SLC28A2: variants seen among roughly 807,000 people sequenced by gnomAD.
SLC28A2 encodes the protein solute carrier family 28 member 2, also known as sodium/nucleoside cotransporter 2.
SLC28A2 carries 69 observed loss-of-function variants against 72.9 expected under a neutral mutation model. That is an observed-to-expected ratio of 0.95 (90% CI 0.78 to 1.16). SLC28A2 has a LOEUF of 1.16. SLC28A2 is among the 50% of genes most tolerant of loss of function. The probability of loss-of-function intolerance (pLI) is 0.00; values close to 1 mark genes in which losing one functional copy is unlikely to be tolerated. For synonymous variants in SLC28A2, 296 were observed against 294.1 expected (o/e 1.01, Z -0.07); for missense variants, 745 against 791.1 (o/e 0.94, Z 0.70).
intron 3 of SLC28A2, among the ~76,000 whole-genome samples, chr15:45,254,282 C>G (rs559742433): frequency 2.8e-4 from 43 of 152,242 alleles, no homozygotes; most frequent in Non-Finnish European, 5.0e-4. Flanking sequence ...TCATGAGCTA[C>G]ATAATGATGT....
intron 13 of SLC28A2, among the ~76,000 whole-genome samples, chr15:45,268,694 G>T (rs1278468214): frequency 6.6e-6 from 1 of 152,046 alleles, no homozygotes; most frequent in Non-Finnish European, 1.5e-5. Context: ...TATAAATCAT[G>T]CTGCTATAAA....
Position 45,263,217 on chromosome 15 carries a change from A to T in SLC28A2, c.419A>T (p.Asn140Ile). 1.2e-6 allele frequency: 2 copies of T among 1,612,948 alleles called. No individual in the cohort carries two copies. Among genetic ancestry groups the T allele is most frequent in the Non-Finnish European group, 1.7e-6 (2 of 1,179,662 alleles). The change falls in exon 5 of 18, where the codon AAC becomes ATC. Residue 140 changes from asparagine to isoleucine, a missense_variant. Transcript: ENST00000347644. ...KLTRCLKPFE[N>I]SRLRLWTKWV... ...ACAAGATGTCTGAAGCCCTTTGAAA[A>T]CTCCCGCCTGAGGCTTTGGACGAAA...
chr15:45,256,122 T>C (rs1054498038), intron 3 of SLC28A2: 1 of 152,230 alleles, frequency 6.6e-6, no homozygotes, highest in Non-Finnish European at 1.5e-5. Flanking sequence ...TCAAGTCTTA[T>C]CGACCTTATA....
chr15:45,265,960 T>A, intron 9 of SLC28A2, 121 bp from the exon 10 acceptor site: 1 of 763,716 alleles, frequency 1.3e-6, no homozygotes, highest in South Asian at 1.7e-5. Flanking sequence ...GCCCTAGGCT[T>A]GCTGCTCTAC....
chr15:45,253,071 G>T, intron 1 of SLC28A2, 129 bp from the exon 2 acceptor site: 1 of 565,840 alleles, frequency 1.8e-6, no homozygotes, highest in Non-Finnish European at 3.2e-6. Flanking sequence ...AGTTCTTAAA[G>T]AAATCAACTA....
chr15:45,257,511 CATGTTA>C (rs1290698445), intron 3 of SLC28A2, among the ~76,000 whole-genome samples: 1 of 152,164 alleles, frequency 6.6e-6, no homozygotes, highest in East Asian at 1.9e-4. Flanking sequence ...TCAATAAATA[CATGTTA>C]ATAAGTTATG....
rs1341957432 is a variant in SLC28A2 at position 45,263,884 on chromosome 15, G to A, written c.450G>A (p.Val150=). 1 of 1,605,474 alleles carries A rather than the reference G, an allele frequency of 6.2e-7. No homozygotes were observed. The change falls in exon 6 of 18, where the codon GTG becomes GTA. Residue 150 remains valine (V), a synonymous_variant. Transcript: ENST00000347644. ...GGTCTTGGCATTCCTTCTTCAGGGT[G>A]TTTGCAGGAGTCTCCTTGGTTGGCC... ...NSRLRLWTKW[V]FAGVSLVGLI... is the part of the protein sequence containing the mutation.
chr15:45,253,156 A>G (rs1275682903), intron 1 of SLC28A2, 44 bp from the exon 2 acceptor site: 4 of 1,349,258 alleles, frequency 3.0e-6, no homozygotes, highest in Non-Finnish European at 4.2e-6. Flanking sequence ...CCCACAGAAC[A>G]GAATGACCAA....
rs1468632911 is a variant in SLC28A2, at chr15:45,277,154, C to T, written c.*1641C>T. ...CAACGAAGAATTACCTGGTCCCAAA[C>T]GTCAATTGTGCTGAGACTCAGAAAC... On this transcript the variant is annotated 3_prime_UTR_variant, in exon 18 of 18. Coordinates refer to ENST00000347644, the MANE Select transcript of SLC28A2 (RefSeq NM_004212.4). 2 of 151,626 alleles carry T rather than the reference C, an allele frequency of 1.3e-5. No individual in the cohort carries two copies. The highest frequency in any genetic ancestry group is 1.9e-4 in the East Asian group (1 of 5,186). 9.4% of individuals were successfully genotyped at this position (151,626 alleles called of 1,614,324 possible). A position where few individuals can be genotyped will look rare whatever the true frequency, so the allele number is the denominator to read the frequency against.
chr15:45,261,455 A>G (rs1472240533), intron 3 of SLC28A2, among the ~76,000 whole-genome samples: 1 of 152,264 alleles, frequency 6.6e-6, no homozygotes. Flanking sequence ...GAAAGAGCTC[A>G]GCATAGAGAA....
chr15:45,259,131 T>A (rs1188207447), intron 3 of SLC28A2, among the ~76,000 whole-genome samples: 1 of 152,178 alleles, frequency 6.6e-6, no homozygotes, highest in Non-Finnish European at 1.5e-5. Context: ...ATTGGCAGTG[T>A]TTTTCTTTCT....
chr15:45,264,338 AAATC>A (rs1466481879), intron 6 of SLC28A2, among the ~76,000 whole-genome samples: 5 of 152,252 alleles, frequency 3.3e-5, no homozygotes, highest in Non-Finnish European at 7.3e-5. Context: ...ATACAGTAGA[AAATC>A]AACACGCAGT....
At position 45,253,999 on chromosome 15, in the gene SLC28A2, G is replaced by C. The variant is rs144486343; in HGVS notation, c.170+479G>C. ...AAAGACAGTAAAAAAGATCTTAGAA[G>C]TCAAAAGAGAAGAGTCTCAAGAATG... On this transcript the variant is annotated intron_variant, in intron 3 of 17. Transcript: ENST00000347644. 5.5e-3 allele frequency: 853 copies of C among 153,768 alleles called. 2 individuals are homozygous for C. Among genetic ancestry groups the C allele is most frequent in the Non-Finnish European group, 0.01 (692 of 69,172 alleles). 9.5% of individuals were successfully genotyped at this position (153,768 alleles called of 1,614,324 possible).
rs1900378789 is a variant in SLC28A2 at position 45,267,545 on chromosome 15, TCTGGCACTGTG to T, written c.1038_1048del (p.Thr347SerfsTer8). On this transcript the variant is annotated frameshift_variant, in exon 11 of 18. Transcript: ENST00000347644. LOFTEE classifies it high-confidence loss of function. Reference sequence around the variant, plus strand: ...GATGACTGGAGGGTTTGCCACCATTTCTGGCACTGTGCTGGGAGCCTTCATAGCCTTTGGGG... The same window carrying T: ...GATGACTGGAGGGTTTGCCACCATTTCTGGGAGCCTTCATAGCCTTTGGGG... The T allele has an allele frequency of 1.2e-6, 2 of 1,614,036 alleles. No homozygotes were observed. The highest frequency in any genetic ancestry group is 1.7e-6 in the Non-Finnish European group (2 of 1,180,018).
At chr15:45,255,192 G>T (rs1899938303) in intron 3 of SLC28A2, 1 of 151,762 alleles carries the variant, frequency 6.6e-6, no homozygotes, top group South Asian at 2.1e-4. Context: ...GGAGGTTAAG[G>T]CTGCAGTGAG....
intron 3 of SLC28A2, chr15:45,254,084 A>G (rs1899896861): frequency 6.6e-6 from 1 of 152,248 alleles, no homozygotes; most frequent in African/African-American, 2.4e-5. Context: ...AGTGAGAAAA[A>G]TCTTTGAATT....
Position 45,272,375 on chromosome 15 carries a change from A to T in SLC28A2, c.1729A>T (p.Ile577Phe). The T allele has an allele frequency of 6.2e-7, 1 of 1,613,924 alleles. No homozygotes were observed. The highest frequency in any genetic ancestry group is 1.3e-5 in the African/African-American group (1 of 75,034). ...CTTCACAGGGGCCTGTGTATCCCTT[A>T]TCAGTGCCTGTATGGCAGGTAGGTG... The part of the protein sequence containing the change: ...ALFTGACVSL[I>F]SACMAGILYV... The change falls in exon 16 of 18, where the codon ATC (isoleucine) becomes TTC (phenylalanine). Residue 577 changes from isoleucine to phenylalanine, a missense_variant. By Grantham distance (21) the Ile-to-Phe change is conservative (BLOSUM62 0). Coordinates refer to ENST00000347644, the MANE Select transcript of SLC28A2 (RefSeq NM_004212.4).
At chr15:45,271,360 G>C (rs1046320671) in intron 15 of SLC28A2, among the ~76,000 whole-genome samples, 122 of 152,152 alleles carry the variant, frequency 8.0e-4, no homozygotes, top group African/African-American at 2.8e-3. Context: ...ATAGGAGTTT[G>C]AGAGCAGCCT....
intron 1 of SLC28A2, among the ~76,000 whole-genome samples, chr15:45,252,698 G>A (rs1406644091): frequency 1.3e-5 from 2 of 152,198 alleles, no homozygotes; most frequent in East Asian, 3.8e-4. Context: ...CAATTCTTAT[G>A]CTACATTATA....
Sources: gnomAD v4.1 joint callset for allele counts (sites outside exome capture counted in the v4.1 genomes callset) on GRCh38, gnomAD v4.1.1 for gene constraint, MANE v1.5 for transcripts, NCBI Gene and HGNC (gene_info 2026-07-23, HGNC 2026-07-21) for gene names.